Variants in MAP1A observed in about 807,000 individuals in gnomAD.
MAP1A encodes microtubule associated protein 1A.
In MAP1A, 42 loss-of-function variants were observed where a neutral mutation model predicts 185.9. That is an observed-to-expected ratio of 0.23 (90% CI 0.18 to 0.29). The LOEUF (loss-of-function observed/expected upper bound fraction) is 0.29, where lower values mean the gene tolerates loss of function less well. Ranked by LOEUF, MAP1A falls within the 10% of genes least tolerant of loss-of-function variation. MAP1A has a pLI of 1.00. For synonymous variants in MAP1A, 1,229 were observed against 1,335.9 expected (o/e 0.92, Z 1.74); for missense variants, 2,995 against 3,450.4 (o/e 0.87, Z 3.31).
chr15:43,514,920 T>G (rs570571327), upstream of MAP1A, among the ~76,000 whole-genome samples: 7 of 152,264 alleles, frequency 4.6e-5, no homozygotes, highest in African/African-American at 1.7e-4. Context: ...ATTCTAAGAC[T>G]CTAAAAAACA....
rs1276751968 is a variant in MAP1A, at chr15:43,530,508, G to A, written c.*284G>A. ...GAACCCTCTCCTAGCACTGTCAAATGCTGGTATTGAATGGGGACTGAGGAT... is the reference window on the plus strand; with the variant it reads ...GAACCCTCTCCTAGCACTGTCAAATACTGGTATTGAATGGGGACTGAGGAT... On this transcript the variant is annotated 3_prime_UTR_variant, in exon 6 of 6. Coordinates refer to ENST00000300231, the MANE Select transcript of MAP1A (RefSeq NM_002373.6). 1.0e-5 allele frequency: 4 copies of A among 386,246 alleles called. No homozygotes were observed. Among genetic ancestry groups the A allele is most frequent in the East Asian group, 9.5e-5 (2 of 21,122 alleles). The allele number at this position is 386,246 out of a possible 1,614,324, so 23.9% of individuals were successfully genotyped here.
Position 43,530,065 on chromosome 15 carries a change from C to A in MAP1A, c.8257-4C>A. 1 of 1,614,020 alleles carries A rather than the reference C, an allele frequency of 6.2e-7. No homozygotes were observed. Among genetic ancestry groups the A allele is most frequent in the Non-Finnish European group, 8.5e-7 (1 of 1,179,880 alleles). On this transcript the variant is annotated splice_region_variant and splice_polypyrimidine_tract_variant and intron_variant, in intron 5 of 5. Transcript: ENST00000300231. ...ACATCAGACATATCTTATCTCCCTT[C>A]TAGGTGACTCTGATCCCTACTCATG...
rs2079345579 is a variant in MAP1A at position 43,526,724 on chromosome 15, T to A, written c.5251T>A (p.Trp1751Arg). The A allele has an allele frequency of 1.9e-6, 3 of 1,614,088 alleles. No homozygotes were observed. The highest frequency in any genetic ancestry group is 2.5e-6 in the Non-Finnish European group (3 of 1,180,000). ...PLREHATRSP[W>R]ASDFKDFQES... ...GCGGGAACACGCAACCCGGAGCCCCTGGGCCTCAGACTTCAAGGATTTCCA... is the reference window on the plus strand; with the variant it reads ...GCGGGAACACGCAACCCGGAGCCCCAGGGCCTCAGACTTCAAGGATTTCCA... The change falls in exon 4 of 6, where the codon TGG becomes AGG. Residue 1751 changes from tryptophan to arginine, a missense_variant. Transcript: ENST00000300231. The surrounding 1 kb of genome is among the most constrained non-coding windows in gnomAD (Gnocchi z 4.7).
At position 43,521,502 on chromosome 15, in the gene MAP1A, A is replaced by G; in HGVS notation, c.29A>G (p.Tyr10Cys). The G allele has an allele frequency of 6.2e-7, 1 of 1,614,090 alleles. No individual in the cohort carries two copies. The highest frequency in any genetic ancestry group is 1.1e-5 in the South Asian group (1 of 91,068). The change falls in exon 4 of 6, where the codon TAT (tyrosine) becomes TGT (cysteine). Residue 10 changes from tyrosine (Y) to cysteine (C), a missense_variant. This residue lies in a region of MAP1A where 264 missense variants were observed against 435.3 expected (regional missense o/e 0.61). Transcript: ENST00000300231. The surrounding 1 kb of genome is among the most constrained non-coding windows in gnomAD (Gnocchi z 4.6). MDGVAEFSEYVSETVDVPSP... is the reference protein window; with the variant it reads MDGVAEFSECVSETVDVPSP... ...GACGGCGTGGCTGAGTTCTCCGAGT[A>G]TGTCTCTGAGACTGTGGACGTGCCA...
In MAP1A at chr15:43,522,828, C is replaced by G. The variant is rs377251075; in HGVS notation, c.1355C>G (p.Thr452Ser). The change falls in exon 4 of 6, where the codon ACC becomes AGC. Residue 452 changes from threonine to serine, a missense_variant. Physicochemically the swap from Thr to Ser is moderately conservative, Grantham distance 58 (BLOSUM62 1). Coordinates refer to ENST00000300231, the MANE Select transcript of MAP1A (RefSeq NM_002373.6). This position sits in a 1 kb window ranked among gnomAD's most constrained non-coding sequence, Gnocchi z 5.9. ...AAGAAGGAGGAGAAGAGGAAAGATACCAAACCTGAGCTCAAGAAGATTTCC... is the reference window on the plus strand; with the variant it reads ...AAGAAGGAGGAGAAGAGGAAAGATAGCAAACCTGAGCTCAAGAAGATTTCC... Reference protein sequence around the residue: ...DAKKEEKRKDTKPELKKISKP... With the variant: ...DAKKEEKRKDSKPELKKISKP... 3 of 1,593,672 alleles carry G rather than the reference C, an allele frequency of 1.9e-6. No individual in the cohort carries two copies. Among genetic ancestry groups the G allele is most frequent in the Non-Finnish European group, 2.6e-6 (3 of 1,168,806 alleles).
At position 43,521,855 on chromosome 15, in the gene MAP1A, A is replaced by C. The variant is rs377155488; in HGVS notation, c.382A>C (p.Ile128Leu). The part of the protein sequence containing the change: ...SSYSDWVKNL[I>L]SPELGVVFFN... ...TTACAGCGACTGGGTGAAGAACCTTATCTCTCCTGAGCTTGGAGTTGTCTT... is the reference window on the plus strand; with the variant it reads ...TTACAGCGACTGGGTGAAGAACCTTCTCTCTCCTGAGCTTGGAGTTGTCTT... The change falls in exon 4 of 6, where the codon ATC (isoleucine) becomes CTC (leucine). Residue 128 changes from isoleucine to leucine, a missense_variant. Physicochemically the swap from Ile to Leu is conservative, Grantham distance 5. Transcript: ENST00000300231. The surrounding 1 kb of genome is among the most constrained non-coding windows in gnomAD (Gnocchi z 4.6). The C allele has an allele frequency of 2.0e-5, 32 of 1,614,072 alleles. No homozygotes were observed. Among genetic ancestry groups the C allele is most frequent in the African/African-American group, 1.2e-4 (9 of 74,932 alleles).
upstream of MAP1A, among the ~76,000 whole-genome samples, chr15:43,516,550 A>G (rs1419943341): frequency 6.6e-6 from 1 of 152,160 alleles, no homozygotes; most frequent in Non-Finnish European, 1.5e-5. Flanking sequence ...GAGCATGAGC[A>G]TCCTCGGGTT....
In MAP1A at chr15:43,526,653, G is replaced by T; in HGVS notation, c.5180G>T (p.Ser1727Ile). Residue 1727 changes from serine to isoleucine, a missense_variant, in exon 4 of 6, where the codon AGC becomes ATC. By Grantham distance (142) the Ser-to-Ile change is moderately radical (BLOSUM62 -2). Coordinates refer to ENST00000300231, the MANE Select transcript of MAP1A (RefSeq NM_002373.6). This position sits in a 1 kb window ranked among gnomAD's most constrained non-coding sequence, Gnocchi z 4.7. ...CCACACTACACTGAGGAACGGGAAA[G>T]CACTTTCCTAGATGAGGGCCCAGAT... is the stretch of plus-strand genomic sequence containing the variant. ...ARPHYTEERESTFLDEGPDDE... is the reference protein window; with the variant it reads ...ARPHYTEEREITFLDEGPDDE... 6.2e-7 allele frequency: 1 copy of T among 1,614,032 alleles called. No homozygotes were observed.
Position 43,527,676 on chromosome 15 carries a change from T to C in MAP1A, c.6203T>C (p.Ile2068Thr), listed in dbSNP as rs1290523355. The change falls in exon 4 of 6, where the codon ATC becomes ACC. Residue 2068 changes from isoleucine to threonine, a missense_variant. By Grantham distance (89) the Ile-to-Thr change is moderately conservative (BLOSUM62 -1). Transcript: ENST00000300231. ...TPPAVPPRAP[I>T]LSKGPSPPLN... ...CCTGCAGTTCCCCCCCGTGCTCCTATCCTGAGCAAAGGCCCAAGCCCCCCT... is the reference window on the plus strand; with the variant it reads ...CCTGCAGTTCCCCCCCGTGCTCCTACCCTGAGCAAAGGCCCAAGCCCCCCT... The C allele has an allele frequency of 1.3e-6, 2 of 1,545,434 alleles. No individual in the cohort carries two copies. The highest frequency in any genetic ancestry group is 1.7e-5 in the Admixed American group (1 of 57,162).
rs373300975 is a variant in MAP1A, at chr15:43,528,006, C to G, written c.6533C>G (p.Pro2178Arg). ...TTCTCCTCATTGCAGCCAGCTCCCC[C>G]ACAGCTGCCCTCTCCAGCTGAACCC... ...FGFSSLQPAP[P>R]QLPSPAEPRS... Residue 2178 changes from proline (P) to arginine (R), a missense_variant, in exon 4 of 6, where the codon CCA becomes CGA. Pro to Arg is a moderately radical substitution (Grantham distance 103, BLOSUM62 -2). Coordinates refer to ENST00000300231, the MANE Select transcript of MAP1A (RefSeq NM_002373.6). 23 of 1,613,918 alleles carry G rather than the reference C, an allele frequency of 1.4e-5. No homozygotes were observed. Among genetic ancestry groups the G allele is most frequent in the East Asian group, 4.5e-5 (2 of 44,898 alleles).
chr15:43,514,587 A>G (rs1595644164), upstream of MAP1A, among the ~76,000 whole-genome samples: 11 of 152,344 alleles, frequency 7.2e-5, no homozygotes, highest in South Asian at 2.3e-3. Context: ...AGTGACAAGG[A>G]GAGTGCACTT....
At chr15:43,511,794 G>A (rs2079280334) in intron 1 of MAP1A, among the ~76,000 whole-genome samples, 1 of 152,216 alleles carries the variant, frequency 6.6e-6, no homozygotes, top group African/African-American at 2.4e-5. Context: ...CTGGGGACAA[G>A]GAAGGGAACA....
Position 43,522,870 on chromosome 15 carries a change from C to G in MAP1A, c.1397C>G (p.Pro466Arg), listed in dbSNP as rs1425048114. 6.2e-7 allele frequency: 1 copy of G among 1,609,654 alleles called. No homozygotes were observed. The highest frequency in any genetic ancestry group is 8.5e-7 in the Non-Finnish European group (1 of 1,177,756). ...LKKISKPDLK[P>R]FTPEVRKTLY... ...AAGATTTCCAAGCCAGACCTAAAGC[C>G]CTTTACTCCTGAGGTACGTAAGACC... The change falls in exon 4 of 6, where the codon CCC (proline) becomes CGC (arginine). Residue 466 changes from proline (P) to arginine (R), a missense_variant. This residue lies in a region of MAP1A where 2,728 missense variants were observed against 2,986.0 expected (regional missense o/e 0.91). Transcript: ENST00000300231. The surrounding 1 kb of genome is among the most constrained non-coding windows in gnomAD (Gnocchi z 5.9).
In MAP1A at chr15:43,521,434, C is replaced by G; in HGVS notation, c.-40C>G. 1 of 1,614,064 alleles carries G rather than the reference C, an allele frequency of 6.2e-7. No homozygotes were observed. Among genetic ancestry groups the G allele is most frequent in the South Asian group, 1.1e-5 (1 of 91,076 alleles). Reference sequence around the variant, plus strand: ...TGGGATTATCCAGTTCCCAAGAGACCCTGCACCTCCGGCTAAACCCTGAGC... The same window carrying G: ...TGGGATTATCCAGTTCCCAAGAGACGCTGCACCTCCGGCTAAACCCTGAGC... On this transcript the variant is annotated 5_prime_UTR_variant, in exon 4 of 6. Coordinates refer to ENST00000300231, the MANE Select transcript of MAP1A (RefSeq NM_002373.6). This position sits in a 1 kb window ranked among gnomAD's most constrained non-coding sequence, Gnocchi z 4.6.
rs370522258 is a variant in MAP1A, at chr15:43,526,178, A to G, written c.4705A>G (p.Ile1569Val). ...GQKDEALEQN[I>V]QALEENHQTQ... ...GAAGGATGAAGCCCTGGAACAAAAC[A>G]TTCAGGCTCTGGAAGAGAACCACCA... is the stretch of plus-strand genomic sequence containing the variant. The change falls in exon 4 of 6, where the codon ATT becomes GTT. Residue 1569 changes from isoleucine (I) to valine (V), a missense_variant. Physicochemically the swap from Ile to Val is conservative, Grantham distance 29. Coordinates refer to ENST00000300231, the MANE Select transcript of MAP1A (RefSeq NM_002373.6). This position sits in a 1 kb window ranked among gnomAD's most constrained non-coding sequence, Gnocchi z 4.7. 6.2e-7 allele frequency: 1 copy of G among 1,613,692 alleles called. No homozygotes were observed. Among genetic ancestry groups the G allele is most frequent in the African/African-American group, 1.3e-5 (1 of 74,852 alleles).
At chr15:43,520,566 T>C in intron 1 of MAP1A, 75 bp from the exon 2 acceptor site, 3 of 968,068 alleles carry the variant, frequency 3.1e-6, no homozygotes, top group South Asian at 2.8e-5. Flanking sequence ...CATTTCCTGA[T>C]AGCACATTCT....
chr15:43,512,797 C>T (rs1231821009), upstream of MAP1A, among the ~76,000 whole-genome samples: 1 of 152,158 alleles, frequency 6.6e-6, no homozygotes, highest in African/African-American at 2.4e-5. Flanking sequence ...AATCTTGGTA[C>T]TTACATGATG....
At chr15:43,520,586 T>TGCA in intron 1 of MAP1A, 55 bp from the exon 2 acceptor site, 1 of 1,168,764 alleles carries the variant, frequency 8.6e-7, no homozygotes, top group Non-Finnish European at 1.2e-6. Flanking sequence ...TTTCCTCTCC[T>TGCA]GCACCACAAT....
chr15:43,527,773 C>G lies in MAP1A; in HGVS notation c.6300C>G (p.His2100Gln). ...CCCCCAAGGAATCAGGCCGGAGTCACTGGGATGACAGCACTAGTGACTCAG... is the reference window on the plus strand; with the variant it reads ...CCCCCAAGGAATCAGGCCGGAGTCAGTGGGATGACAGCACTAGTGACTCAG... ...SPSPKESGRS[H>Q]WDDSTSDSEL... Residue 2100 changes from histidine to glutamine, a missense_variant, in exon 4 of 6, where the codon CAC becomes CAG. Around this residue, in one of 3 missense-constraint regions of MAP1A, gnomAD observed 2,728 missense variants for 2,986.0 expected, o/e 0.91. Coordinates refer to ENST00000300231, the MANE Select transcript of MAP1A (RefSeq NM_002373.6). 6.2e-7 allele frequency: 1 copy of G among 1,613,818 alleles called. No homozygotes were observed. The highest frequency in any genetic ancestry group is 1.3e-5 in the African/African-American group (1 of 74,958).
Sources: allele counts gnomAD v4.1 joint callset (sites outside exome capture counted in the v4.1 genomes callset), GRCh38; gene constraint gnomAD v4.1.1; regional missense constraint gnomAD v4.1.1; non-coding constraint Gnocchi (gnomAD v3.1); transcripts MANE v1.5; gene names NCBI Gene and HGNC (gene_info 2026-07-23, HGNC 2026-07-21).